Variants in SPAG16 observed in about 807,000 individuals in gnomAD.
SPAG16 encodes sperm-associated antigen 16 protein.
A neutral mutation model predicts 80.4 loss-of-function variants in SPAG16; 86 were observed. The ratio of observed to expected loss-of-function variants is 1.07; its 90% CI spans 0.90 to 1.28. The LOEUF is 1.28. SPAG16 is among the 50% of genes most tolerant of loss of function. The probability of loss-of-function intolerance (pLI) is 0.00; values close to 1 mark genes in which losing one functional copy is unlikely to be tolerated. For missense variants in SPAG16, 870 were observed against 765.3 expected (o/e 1.14, Z -1.61); for synonymous variants, 294 against 265.9 (o/e 1.11, Z -1.03).
intron 9 of SPAG16, among the ~76,000 whole-genome samples, chr2:213,467,717 C>G (rs572600278): frequency 1.3e-5 from 2 of 152,322 alleles, no homozygotes; most frequent in South Asian, 4.1e-4. Flanking sequence ...AAGGACTCCT[C>G]AGTCCTGCTG....
chr2:213,843,866 A>G (rs1490448810), intron 10 of SPAG16, among the ~76,000 whole-genome samples: 1 of 152,272 alleles, frequency 6.6e-6, no homozygotes, highest in East Asian at 1.9e-4. Context: ...ACAAACAAAC[A>G]AAAAGAACCC....
Position 213,340,240 on chromosome 2 carries a change from A to G in SPAG16, c.614A>G (p.Glu205Gly), listed in dbSNP as rs1242188530. Residue 205 changes from glutamate (E) to glycine (G), a missense_variant, in exon 6 of 16, where the codon GAA becomes GGA. Coordinates refer to ENST00000331683, the MANE Select transcript of SPAG16 (RefSeq NM_024532.5). ...ATGCATCATAAGCGAATAGTCCAGG[A>G]AAAAAACAAATTAATTAATGACCTC... ...HRMHHKRIVQ[E>G]KNKLINDLKG... 1.9e-6 allele frequency: 3 copies of G among 1,610,940 alleles called. No individual in the cohort carries two copies. The highest frequency in any genetic ancestry group is 2.2e-5 in the East Asian group (1 of 44,770).
rs1401328262 is a variant in SPAG16, at chr2:214,319,556, C to G, written c.1721-90584C>G. Among the ~76,000 whole-genome samples the G allele has an allele frequency of 3.3e-5, 5 of 151,172 alleles. No homozygotes were observed. In the South Asian group the frequency reaches 6.3e-4, roughly 19 times the overall value. On this transcript the variant is annotated intron_variant, in intron 15 of 15. Coordinates refer to ENST00000331683, the MANE Select transcript of SPAG16 (RefSeq NM_024532.5). ...TTAATGAAGGACTATCTATGGTAAT[C>G]TAGGTGAAAGTCATGGTAGAAGTTG... is the stretch of plus-strand genomic sequence containing the variant.
intron 11 of SPAG16, among the ~76,000 whole-genome samples, chr2:213,879,483 T>A (rs2076265454): frequency 6.6e-6 from 1 of 152,044 alleles, no homozygotes; most frequent in Admixed American, 6.6e-5. Flanking sequence ...TTGATGATTA[T>A]CAGTATATAG....
chr2:213,895,970 A>G (rs2076977253), intron 11 of SPAG16, among the ~76,000 whole-genome samples: 1 of 152,154 alleles, frequency 6.6e-6, no homozygotes, highest in South Asian at 2.1e-4. Flanking sequence ...TCAAGGTAAA[A>G]TCTTCTGCAC....
chr2:213,655,476 T>C (rs999303929), intron 10 of SPAG16, among the ~76,000 whole-genome samples: 1 of 152,204 alleles, frequency 6.6e-6, no homozygotes, highest in Non-Finnish European at 1.5e-5. Flanking sequence ...TTTTACCTAG[T>C]GACAATGGAT....
chr2:213,660,915 T>C, intron 10 of SPAG16, among the ~76,000 whole-genome samples: 1 of 152,170 alleles, frequency 6.6e-6, no homozygotes, highest in Admixed American at 6.5e-5. Flanking sequence ...CACCAATAAG[T>C]AGTGCTGGCT....
intron 13 of SPAG16, among the ~76,000 whole-genome samples, chr2:214,045,752 A>G (rs1344878406): frequency 2.0e-5 from 3 of 152,216 alleles, no homozygotes; most frequent in Non-Finnish European, 2.9e-5. Flanking sequence ...CCTACATCAA[A>G]AAAAGAAGAA....
At chr2:213,425,046 AG>A (rs2069824440) in intron 9 of SPAG16, among the ~76,000 whole-genome samples, 1 of 152,192 alleles carries the variant, frequency 6.6e-6, no homozygotes. Context: ...CAATATAGCC[AG>A]GCACGGTGGC....
At chr2:213,479,094 C>CTT (rs148476714) in intron 9 of SPAG16, among the ~76,000 whole-genome samples, 1,175 of 94,414 alleles carry the variant, frequency 0.012, 24 homozygotes, top group South Asian at 0.037. Flanking sequence ...CACTGGCTTC[C>CTT]TTTTTTTTTT....
chr2:213,660,382 G>A (rs946755007), intron 10 of SPAG16, among the ~76,000 whole-genome samples: 4 of 151,826 alleles, frequency 2.6e-5, no homozygotes, highest in African/African-American at 9.7e-5. Context: ...CAATTCTCCT[G>A]CCTCAGTGTA....
intron 10 of SPAG16, among the ~76,000 whole-genome samples, chr2:213,677,377 C>G (rs1219298661): frequency 1.3e-5 from 2 of 152,118 alleles, no homozygotes; most frequent in Non-Finnish European, 2.9e-5. Context: ...AAACCCATCT[C>G]ACATGCAGAG....
intron 10 of SPAG16, among the ~76,000 whole-genome samples, chr2:213,788,106 A>G (rs2070456001): frequency 6.6e-6 from 1 of 151,930 alleles, no homozygotes; most frequent in Non-Finnish European, 1.5e-5. Context: ...TTTAGGTTTG[A>G]CTCAGCAGTT....
At chr2:213,934,664 A>C (rs1188026291) in intron 12 of SPAG16, among the ~76,000 whole-genome samples, 1 of 152,190 alleles carries the variant, frequency 6.6e-6, no homozygotes. Context: ...ATTAGCCTCA[A>C]TTAGTTAAGT....
chr2:213,616,530 G>T (rs1031097450), intron 10 of SPAG16, among the ~76,000 whole-genome samples: 2 of 152,156 alleles, frequency 1.3e-5, no homozygotes, highest in African/African-American at 4.8e-5. Context: ...AATCATAGAA[G>T]GGGGGTGTCA....
chr2:213,898,276 T>C (rs1274987148), intron 11 of SPAG16, among the ~76,000 whole-genome samples: 6 of 152,200 alleles, frequency 3.9e-5, no homozygotes, highest in Non-Finnish European at 7.3e-5. Flanking sequence ...CCAGAACAAC[T>C]AAGAGCCATT....
At chr2:214,404,972 T>G (rs933608599) in intron 15 of SPAG16, among the ~76,000 whole-genome samples, 7 of 152,258 alleles carry the variant, frequency 4.6e-5, no homozygotes, top group Non-Finnish European at 8.8e-5. Context: ...TATTTTAGTT[T>G]CAGAGTTTCA....
chr2:214,249,863 T>C (rs927812360), intron 15 of SPAG16, among the ~76,000 whole-genome samples: 1 of 152,192 alleles, frequency 6.6e-6, no homozygotes, highest in African/African-American at 2.4e-5. Flanking sequence ...AGACTAGCTA[T>C]GTTACAGTAA....
chr2:213,875,017 C>T (rs2076090311), intron 11 of SPAG16, among the ~76,000 whole-genome samples: 1 of 152,098 alleles, frequency 6.6e-6, no homozygotes. Context: ...TCATAGCTCA[C>T]TGCAGCCTAG....
Sources: allele counts gnomAD v4.1 joint callset (sites outside exome capture counted in the v4.1 genomes callset), GRCh38; gene constraint gnomAD v4.1.1; transcripts MANE v1.5; gene names NCBI Gene and HGNC (gene_info 2026-07-23, HGNC 2026-07-21).